Variants in PCDHA10 observed in about 807,000 individuals in gnomAD.
PCDHA10 encodes protocadherin alpha-10.
A neutral mutation model predicts 61.2 loss-of-function variants in PCDHA10; 45 were observed. The observed-to-expected ratio is 0.74, with a 90% CI of 0.58 to 0.94. The LOEUF (loss-of-function observed/expected upper bound fraction) is 0.94, where lower values mean the gene tolerates loss of function less well. Ranked by LOEUF, PCDHA10 falls within the 40% of genes least tolerant of loss-of-function variation. The pLI is 0.00. For synonymous variants in PCDHA10, 602 were observed against 548.8 expected, an observed-to-expected ratio of 1.10 and a Z score of -1.35; for missense variants, 1,278 against 1,236.2, an observed-to-expected ratio of 1.03 and a Z score of -0.51.
At chr5:140,886,436 T>A (rs1434592910) in intron 1 of PCDHA10, among the ~76,000 whole-genome samples, 2 of 152,158 alleles carry the variant, frequency 1.3e-5, no homozygotes, top group African/African-American at 4.8e-5. Context: ...TATTCATTTG[T>A]TTGTACTAAT....
At chr5:140,910,099 T>G (rs1554194123) in intron 1 of PCDHA10, among the ~76,000 whole-genome samples, 1 of 152,230 alleles carries the variant, frequency 6.6e-6, no homozygotes, top group African/African-American at 2.4e-5. Context: ...CAGCCTCCCC[T>G]TCATTTAAGG....
At chr5:140,953,911 AG>A (rs1554221121) in intron 1 of PCDHA10, among the ~76,000 whole-genome samples, 1 of 152,120 alleles carries the variant, frequency 6.6e-6, no homozygotes, top group South Asian at 2.1e-4. Flanking sequence ...AGCATCCATT[AG>A]GTATTCTTCC....
At chr5:141,001,265 T>C (rs71583613) in intron 3 of PCDHA10, among the ~76,000 whole-genome samples, 24 of 152,168 alleles carry the variant, frequency 1.6e-4, no homozygotes, top group Admixed American at 7.2e-4. Flanking sequence ...GGCACTCTTA[T>C]GAACTTTTTT....
At chr5:140,942,992 C>T (rs782446748) in intron 1 of PCDHA10, among the ~76,000 whole-genome samples, 3 of 152,006 alleles carry the variant, frequency 2.0e-5, no homozygotes, top group South Asian at 2.1e-4. Flanking sequence ...TGTGGTGGCT[C>T]ATGCCTGTAA....
In PCDHA10 at chr5:140,870,774, G is replaced by T. The variant is rs782539037; in HGVS notation, c.2388+12338G>T. The T allele has an allele frequency of 2.9e-5, 47 of 1,613,632 alleles. 1 individual carries two copies. The South Asian group carries it at 3.8e-4, about 13-fold the overall frequency. On this transcript the variant is annotated intron_variant, in intron 1 of 3. Coordinates refer to ENST00000307360, the MANE Select transcript of PCDHA10 (RefSeq NM_018901.4). ...CGCTGCAGGTGTTCGTGCTGGACGA[G>T]AACGACAACGCGCCGGCACTGCTGG...
intron 1 of PCDHA10, among the ~76,000 whole-genome samples, chr5:140,939,246 C>G (rs536477969): frequency 6.6e-5 from 10 of 152,230 alleles, no homozygotes; most frequent in African/African-American, 2.2e-4. Context: ...AGCAAGGTAG[C>G]TCTCTGGAAC....
At chr5:140,884,549 G>C (rs782470468) in intron 1 of PCDHA10, 2 of 1,614,016 alleles carry the variant, frequency 1.2e-6, no homozygotes, top group Non-Finnish European at 1.7e-6. Flanking sequence ...GGTGTGCTCT[G>C]GGGAGGGCCC....
chr5:140,980,091 T>A (rs2096876102), intron 2 of PCDHA10, among the ~76,000 whole-genome samples: 1 of 152,218 alleles, frequency 6.6e-6, no homozygotes, highest in Non-Finnish European at 1.5e-5. Flanking sequence ...GTAGTTGGCT[T>A]GGTAAGATGT....
chr5:140,882,226 G>C (rs778262653), intron 1 of PCDHA10: 257 of 1,564,032 alleles, frequency 1.6e-4, no homozygotes, highest in Non-Finnish European at 3.8e-5. Flanking sequence ...GAGGTAAGGC[G>C]TTGTATATAT....
In PCDHA10 at chr5:140,941,719, C is replaced by G. The variant is rs76426901; in HGVS notation, c.2389-37230C>G. 1.5e-4 allele frequency among the ~76,000 whole-genome samples: 23 copies of G among 152,260 alleles called. No individual in the cohort carries two copies. The East Asian group carries it at 4.0e-3, about 27-fold the overall frequency. ...GGCTTAGCTTTCCTCCACAATTTGT[C>G]CTAGCAGTTCCCCATTATCTTATCA... is the stretch of plus-strand genomic sequence containing the variant. On this transcript the variant is annotated intron_variant, in intron 1 of 3. Coordinates refer to ENST00000307360, the MANE Select transcript of PCDHA10 (RefSeq NM_018901.4).
At position 141,009,666 on chromosome 5, in the gene PCDHA10, G is replaced by T; in HGVS notation, c.2576G>T (p.Gly859Val). Residue 859 changes from glycine to valine, a missense_variant, in exon 4 of 4, where the codon GGT becomes GTT. Physicochemically the swap from Gly to Val is moderately radical, Grantham distance 109. Coordinates refer to ENST00000307360, the MANE Select transcript of PCDHA10 (RefSeq NM_018901.4). ...GAAGTGTCCCCTCCAGTCGGTGCGG[G>T]TGTCAACAGCAACAGCTGGACCTTT... ...AGEVSPPVGAGVNSNSWTFKY... is the reference protein window; with the variant it reads ...AGEVSPPVGAVVNSNSWTFKY... The T allele has an allele frequency of 1.2e-6, 2 of 1,614,080 alleles. No individual in the cohort carries two copies. The highest frequency in any genetic ancestry group is 1.7e-6 in the Non-Finnish European group (2 of 1,180,022).
intron 3 of PCDHA10, 115 bp downstream of exon 3, chr5:140,982,678 C>G: frequency 6.9e-7 from 1 of 1,438,900 alleles, no homozygotes; most frequent in East Asian, 2.5e-5. Context: ...TTTGTTATTC[C>G]CTTTTTTCCA....
intron 1 of PCDHA10, among the ~76,000 whole-genome samples, chr5:140,899,512 G>C (rs4386771): frequency 0.046 from 7,065 of 152,150 alleles, 285 homozygotes; most frequent in African/African-American, 0.11. Flanking sequence ...TGCATATATT[G>C]CATCCCAGGG....
rs1382251688 is a variant in PCDHA10, at chr5:141,010,812, C to A, written c.*875C>A. The A allele has an allele frequency of 6.5e-6, 1 of 153,746 alleles. No homozygotes were observed. Among genetic ancestry groups the A allele is most frequent in the Non-Finnish European group, 1.5e-5 (1 of 68,054 alleles). The allele number at this position is 153,746 out of a possible 1,614,324, so 9.5% of individuals were successfully genotyped here. On this transcript the variant is annotated 3_prime_UTR_variant, in exon 4 of 4. Coordinates refer to ENST00000307360, the MANE Select transcript of PCDHA10 (RefSeq NM_018901.4). The stretch of plus-strand genomic sequence containing the variant: ...GCAAAAGAAAACCCCGACACCTCAC[C>A]TTTCGCTGTTTGTTGTTTCATAGAT...
chr5:140,895,631 C>T (rs1227407918), intron 1 of PCDHA10, among the ~76,000 whole-genome samples: 4 of 152,106 alleles, frequency 2.6e-5, no homozygotes, highest in African/African-American at 9.7e-5. Context: ...TGTCTTTTCA[C>T]ATTCTTTTTT....
intron 1 of PCDHA10, among the ~76,000 whole-genome samples, chr5:140,944,328 C>T (rs1478623361): frequency 1.3e-5 from 2 of 152,124 alleles, no homozygotes; most frequent in African/African-American, 4.8e-5. Context: ...GCTGGGATTA[C>T]AAGCACGTGC....
intron 1 of PCDHA10, among the ~76,000 whole-genome samples, chr5:140,940,983 C>T (rs572659107): frequency 6.6e-6 from 1 of 152,176 alleles, no homozygotes; most frequent in Non-Finnish European, 1.5e-5. Context: ...TATCTAGTTA[C>T]AAGTTTATAG....
chr5:140,931,430 A>G (rs1431087207), intron 1 of PCDHA10, among the ~76,000 whole-genome samples: 2 of 149,950 alleles, frequency 1.3e-5, no homozygotes, highest in Non-Finnish European at 3.0e-5. Flanking sequence ...AGTTAGAAGG[A>G]AAATTAGCTA....
rs546789240 is a variant in PCDHA10 at position 140,938,168 on chromosome 5, G to A, written c.2389-40781G>A. Among the ~76,000 whole-genome samples, 6 of 152,184 alleles carry A rather than the reference G, an allele frequency of 3.9e-5. No homozygotes were observed. The South Asian group carries it at 1.2e-3, about 32-fold the overall frequency. Reference sequence around the variant, plus strand: ...ACTACATTGCCCAGGCTAGTCTGGAGCTCCTGGGCTCAAGCAATCCTCCCA... The same window carrying A: ...ACTACATTGCCCAGGCTAGTCTGGAACTCCTGGGCTCAAGCAATCCTCCCA... On this transcript the variant is annotated intron_variant, in intron 1 of 3. Coordinates refer to ENST00000307360, the MANE Select transcript of PCDHA10 (RefSeq NM_018901.4).
Sources: allele counts gnomAD v4.1 joint callset (sites outside exome capture counted in the v4.1 genomes callset), GRCh38; gene constraint gnomAD v4.1.1; transcripts MANE v1.5; gene names NCBI Gene and HGNC (gene_info 2026-07-23, HGNC 2026-07-21).